Variants in GALNT8 observed in about 807,000 individuals in gnomAD.
The protein encoded by GALNT8 is probable polypeptide N-acetylgalactosaminyltransferase 8.
GALNT8 carries 66 observed loss-of-function variants against 62.7 expected under a neutral mutation model. The ratio of observed to expected loss-of-function variants is 1.05; its 90% CI spans 0.86 to 1.29. GALNT8 has a LOEUF of 1.29. Among genes scored for constraint, GALNT8 ranks in the 50% most tolerant of loss-of-function variants. GALNT8 has a pLI of 0.00. For synonymous variants in GALNT8, 288 were observed against 294.3 expected, an observed-to-expected ratio of 0.98 and a Z score of 0.22; for missense variants, 771 against 791.8, an observed-to-expected ratio of 0.97 and a Z score of 0.32.
At chr12:4,728,113 C>T (rs1180676709) in intron 2 of GALNT8, among the ~76,000 whole-genome samples, 3 of 151,938 alleles carry the variant, frequency 2.0e-5, no homozygotes, top group Non-Finnish European at 2.9e-5. Context: ...TTCCCTGAGG[C>T]CTAATAGTGT....
chr12:4,771,408 A>T (rs1946423742), intron 10 of GALNT8, among the ~76,000 whole-genome samples: 1 of 152,128 alleles, frequency 6.6e-6, no homozygotes. Context: ...GGGGGAGTCC[A>T]GGGACAGGCA....
intron 10 of GALNT8, among the ~76,000 whole-genome samples, chr12:4,768,244 C>G (rs1173512924): frequency 6.6e-6 from 1 of 152,040 alleles, no homozygotes; most frequent in Non-Finnish European, 1.5e-5. Flanking sequence ...TTCTTAGATA[C>G]AAGTACTTAA....
At chr12:4,723,670 ATGT>A (rs1282059745) in intron 1 of GALNT8, among the ~76,000 whole-genome samples, 1 of 151,002 alleles carries the variant, frequency 6.6e-6, no homozygotes, top group Admixed American at 6.6e-5. Context: ...TCGCTCTGAA[ATGT>A]TGTGATGTCA....
rs761983164 is a variant in GALNT8 at position 4,744,503 on chromosome 12, C to CA, written c.677-13dup. ...TGCACTCAGAATTTCTATAGGTGTGCACTTGATTGACAGGAGAACTAAAGG... is the reference window on the plus strand; with the variant it reads ...TGCACTCAGAATTTCTATAGGTGTGCAACTTGATTGACAGGAGAACTAAAGG... On this transcript the variant is annotated splice_polypyrimidine_tract_variant and intron_variant, in intron 3 of 10. Transcript: ENST00000252318. 3.9e-4 allele frequency: 612 copies of CA among 1,580,100 alleles called. 3 individuals are homozygous for CA. Among genetic ancestry groups the CA allele is most frequent in the Admixed American group, 7.3e-4 (42 of 57,516 alleles).
rs776904195 is a variant in GALNT8 at position 4,739,190 on chromosome 12, A to T, written c.537A>T (p.Gln179His). Residue 179 changes from glutamine to histidine, a missense_variant, in exon 3 of 11, where the codon CAA becomes CAT. Gln to His is a conservative substitution (Grantham distance 24). Coordinates refer to ENST00000252318, the MANE Select transcript of GALNT8 (RefSeq NM_017417.2). The part of the protein sequence containing the change: ...YRCLRKTYPS[Q>H]LPSLSVILIF... ...GTCTTCGGAAGACATATCCTTCCCA[A>T]CTCCCATCCCTCAGTGTCATTCTCA... 1.9e-6 allele frequency: 3 copies of T among 1,612,586 alleles called. No homozygotes were observed. Among genetic ancestry groups the T allele is most frequent in the Non-Finnish European group, 2.5e-6 (3 of 1,178,876 alleles).
At chr12:4,724,943 G>A (rs1297491038) in intron 1 of GALNT8, among the ~76,000 whole-genome samples, 3 of 152,120 alleles carry the variant, frequency 2.0e-5, no homozygotes, top group Non-Finnish European at 2.9e-5. Context: ...GCATCTACCC[G>A]GAGAAAATTC....
At chr12:4,771,911 C>T (rs1231555951) in intron 10 of GALNT8, among the ~76,000 whole-genome samples, 1 of 152,204 alleles carries the variant, frequency 6.6e-6, no homozygotes, top group South Asian at 2.1e-4. Context: ...CTTTGTAGCA[C>T]TAAAGCCTAT....
chr12:4,748,317 T>C (rs1054731997), intron 6 of GALNT8, among the ~76,000 whole-genome samples: 1 of 152,172 alleles, frequency 6.6e-6, no homozygotes, highest in African/African-American at 2.4e-5. Flanking sequence ...CTAGAGATTT[T>C]CCTCATTTTT....
At chr12:4,736,868 T>C (rs920881026) in intron 2 of GALNT8, among the ~76,000 whole-genome samples, 2 of 152,152 alleles carry the variant, frequency 1.3e-5, no homozygotes, top group African/African-American at 4.8e-5. Context: ...CAACAGACTT[T>C]AGAAGGGGCC....
intron 2 of GALNT8, among the ~76,000 whole-genome samples, chr12:4,736,607 AAAGATC>A (rs1041671301): frequency 1.3e-5 from 2 of 152,174 alleles, no homozygotes; most frequent in African/African-American, 4.8e-5. Context: ...AAAAAAAAAA[AAAGATC>A]AAGATCATGA....
At chr12:4,742,909 G>A (rs552500946) in intron 3 of GALNT8, among the ~76,000 whole-genome samples, 24 of 152,172 alleles carry the variant, frequency 1.6e-4, no homozygotes, top group Non-Finnish European at 3.2e-4. Flanking sequence ...CTTAATCTTT[G>A]TGCTATATGA....
At chr12:4,767,157 C>T (rs185893850) in intron 10 of GALNT8, among the ~76,000 whole-genome samples, 222 of 152,246 alleles carry the variant, frequency 1.5e-3, no homozygotes, top group African/African-American at 5.0e-3. Context: ...CCTTAGACAT[C>T]ATCTTCCTTG....
At chr12:4,721,763 C>T (rs1435059661) in intron 1 of GALNT8, among the ~76,000 whole-genome samples, 2 of 152,174 alleles carry the variant, frequency 1.3e-5, no homozygotes, top group African/African-American at 4.8e-5. Flanking sequence ...TACTAATCCT[C>T]CTCAGCACAG....
In GALNT8 at chr12:4,726,384, A is replaced by G; in HGVS notation, c.212-148A>G. The G allele has an allele frequency of 1.6e-6, 1 of 623,194 alleles. No homozygotes were observed. Among genetic ancestry groups the G allele is most frequent in the Non-Finnish European group, 2.8e-6 (1 of 358,978 alleles). 38.6% of individuals were successfully genotyped at this position (623,194 alleles called of 1,614,324 possible). A position where few individuals can be genotyped will look rare whatever the true frequency, so the allele number is the denominator to read the frequency against. ...CTTGCATGGCTGGATAAGTTCCCTG[A>G]CATACTACATCCTCTGTGACAAGAG... On this transcript the variant is annotated intron_variant, in intron 1 of 10. Coordinates refer to ENST00000252318, the MANE Select transcript of GALNT8 (RefSeq NM_017417.2). This position sits in a 1 kb window ranked among gnomAD's most constrained non-coding sequence, Gnocchi z 4.1.
chr12:4,739,914 G>C (rs1391990160), intron 3 of GALNT8, among the ~76,000 whole-genome samples: 2 of 151,976 alleles, frequency 1.3e-5, no homozygotes, highest in African/African-American at 4.8e-5. Context: ...TGATCCGCCC[G>C]CCTCGGCCTC....
intron 6 of GALNT8, among the ~76,000 whole-genome samples, chr12:4,755,641 G>A (rs112072978): frequency 2.8e-4 from 43 of 152,324 alleles, no homozygotes; most frequent in African/African-American, 9.9e-4. Context: ...TCAGGGGGAT[G>A]ATTGGTGGAG....
Position 4,720,765 on chromosome 12 carries a change from A to G in GALNT8, c.88A>G (p.Lys30Glu), listed in dbSNP as rs748666877. ...CAATCTCCTTCTGGTATTTTCTAGC[A>G]AGGGGACTTTACAAAACCTGTTTAC... ...AVNLLLVFSS[K>E]GTLQNLFTGG... Residue 30 changes from lysine to glutamate, a missense_variant, in exon 1 of 11, where the codon AAG (lysine) becomes GAG (glutamate). Transcript: ENST00000252318. 1 of 1,613,180 alleles carries G rather than the reference A, an allele frequency of 6.2e-7. No individual in the cohort carries two copies. Among genetic ancestry groups the G allele is most frequent in the South Asian group, 1.1e-5 (1 of 91,070 alleles).
At chr12:4,728,644 C>T (rs139627518) in intron 2 of GALNT8, among the ~76,000 whole-genome samples, 164 of 152,230 alleles carry the variant, frequency 1.1e-3, no homozygotes, top group African/African-American at 3.4e-3. Context: ...TGTCCTGCCA[C>T]CCTTATTGAA....
At chr12:4,767,979 T>TTAAAGAAGATTTTTTTA (rs1946407097) in intron 10 of GALNT8, among the ~76,000 whole-genome samples, 1 of 152,144 alleles carries the variant, frequency 6.6e-6, no homozygotes. Context: ...ACAATCCCCT[T>TTAAAGAAGATTTTTTTA]TAAAGAAGAT....
Sources: gnomAD v4.1 joint callset for allele counts (sites outside exome capture counted in the v4.1 genomes callset) on GRCh38, gnomAD v4.1.1 for gene constraint, Gnocchi (gnomAD v3.1) non-coding constraint, MANE v1.5 for transcripts, NCBI Gene and HGNC (gene_info 2026-07-23, HGNC 2026-07-21) for gene names.